Variants in PDE8B observed in about 807,000 individuals in gnomAD.
The protein encoded by PDE8B is high affinity cAMP-specific and IBMX-insensitive 3',5'-cyclic phosphodiesterase 8B.
In PDE8B, 26 loss-of-function variants were observed where a neutral mutation model predicts 101.3. The ratio of observed to expected loss-of-function variants is 0.26; its 90% CI spans 0.19 to 0.36. The LOEUF is 0.36. Among genes scored for constraint, PDE8B ranks in the 10% least tolerant of loss-of-function variants. The pLI is 1.00. For synonymous variants in PDE8B, 424 were observed against 429.3 expected (o/e 0.99, Z 0.15); for missense variants, 810 against 1,163.1 (o/e 0.70, Z 4.42).
intron 1 of PDE8B, among the ~76,000 whole-genome samples, chr5:77,246,066 GGT>G (rs1293796706): frequency 6.6e-6 from 1 of 151,860 alleles, no homozygotes; most frequent in Non-Finnish European, 1.5e-5. Context: ...TGCCCAGGCT[GGT>G]CTTGAATTCC....
chr5:77,281,380 A>G (rs1764964416), intron 1 of PDE8B, among the ~76,000 whole-genome samples: 1 of 152,216 alleles, frequency 6.6e-6, no homozygotes, highest in Non-Finnish European at 1.5e-5. Flanking sequence ...AAAACAACAA[A>G]ACATTATTCT....
chr5:77,222,611 C>T (rs770147800), intron 1 of PDE8B, among the ~76,000 whole-genome samples: 11 of 152,088 alleles, frequency 7.2e-5, no homozygotes, highest in Non-Finnish European at 1.2e-4. Context: ...CATAGTTCCA[C>T]GTTTCGGGAG....
chr5:77,153,923 C>T, the PDE8B span, among the ~76,000 whole-genome samples: 8 of 152,288 alleles, frequency 5.3e-5, no homozygotes, highest in African/African-American at 1.9e-4. Flanking sequence ...TAAGCTTGGC[C>T]TCTCTCTTTT....
chr5:77,217,088 T>C (rs34802194), intron 1 of PDE8B, among the ~76,000 whole-genome samples: 24,041 of 152,208 alleles, frequency 0.16, 2,145 homozygotes, highest in African/African-American at 0.24. Context: ...TGTCCAGTTA[T>C]CTTGGTTGGA....
intron 10 of PDE8B, among the ~76,000 whole-genome samples, chr5:77,378,052 C>CCT (rs1419483304): frequency 7.9e-6 from 1 of 126,654 alleles, no homozygotes; most frequent in Admixed American, 7.3e-5. Context: ...ACACACACCC[C>CCT]CTGTTGGTTC....
rs2149619909 is a variant in PDE8B, at chr5:77,251,203, G to A, written c.339+39939G>A. 1.3e-5 allele frequency among the ~76,000 whole-genome samples: 2 copies of A among 152,208 alleles called. 1 individual carries two copies. The highest frequency in any genetic ancestry group is 3.8e-4 in the East Asian group (2 of 5,196). On this transcript the variant is annotated intron_variant, in intron 1 of 21. Coordinates refer to ENST00000264917, the MANE Select transcript of PDE8B (RefSeq NM_003719.5). ...TACTGACCTTACAGCGTTGTCAGGA[G>A]TATTGCTGCTAAGAAGTGGCAATTC...
At chr5:77,110,691 C>T in the PDE8B span, among the ~76,000 whole-genome samples, 2 of 152,306 alleles carry the variant, frequency 1.3e-5, no homozygotes, top group East Asian at 3.9e-4. Context: ...AGTTGTCAAC[C>T]ACAGACTGCG....
chr5:77,199,367 G>GA, the PDE8B span, among the ~76,000 whole-genome samples: 1 of 152,168 alleles, frequency 6.6e-6, no homozygotes. Context: ...TTAGGAGAAG[G>GA]AAAATCTTAA....
intron 1 of PDE8B, among the ~76,000 whole-genome samples, chr5:77,247,371 G>A (rs767084753): frequency 6.6e-6 from 1 of 152,146 alleles, no homozygotes; most frequent in East Asian, 1.9e-4. Context: ...AGGGTGCCTC[G>A]GGGTCCCAAA....
intron 1 of PDE8B, chr5:77,290,138 C>T (rs759449820): frequency 2.0e-5 from 24 of 1,186,528 alleles, no homozygotes; most frequent in African/African-American, 3.0e-5. Flanking sequence ...CCTAGTTCCA[C>T]GTGTGGAAAA....
At chr5:77,367,474 AC>A (rs1172747775) in intron 10 of PDE8B, among the ~76,000 whole-genome samples, 2 of 149,106 alleles carry the variant, frequency 1.3e-5, no homozygotes, top group Non-Finnish European at 3.0e-5. Flanking sequence ...GATGACCTTG[AC>A]CTTTGATCTG....
At chr5:77,154,141 G>T in the PDE8B span, among the ~76,000 whole-genome samples, 1 of 152,280 alleles carries the variant, frequency 6.6e-6, no homozygotes, top group East Asian at 1.9e-4. Context: ...CAAAATGGGA[G>T]GCCAAGTGAA....
the PDE8B span, among the ~76,000 whole-genome samples, chr5:77,124,938 T>C: frequency 6.6e-6 from 1 of 152,180 alleles, no homozygotes. Flanking sequence ...GAATTAATAG[T>C]AAAAGAAATT....
At chr5:77,150,609 A>C in the PDE8B span, among the ~76,000 whole-genome samples, 2 of 152,242 alleles carry the variant, frequency 1.3e-5, no homozygotes, top group Non-Finnish European at 2.9e-5. Context: ...GTAATATAAA[A>C]GCAGTGAAAA....
At chr5:77,176,359 G>A in the PDE8B span, among the ~76,000 whole-genome samples, 1 of 152,130 alleles carries the variant, frequency 6.6e-6, no homozygotes, top group Non-Finnish European at 1.5e-5. Context: ...GTCTTATGAA[G>A]GTTTTAGAGG....
At chr5:77,214,174 C>T (rs1304826972) in intron 1 of PDE8B, among the ~76,000 whole-genome samples, 1 of 152,218 alleles carries the variant, frequency 6.6e-6, no homozygotes, top group Non-Finnish European at 1.5e-5. Flanking sequence ...GGTTGAACCT[C>T]TCTCTGGGAA....
At chr5:77,311,586 T>C (rs2150120022) in intron 1 of PDE8B, among the ~76,000 whole-genome samples, 1 of 152,358 alleles carries the variant, frequency 6.6e-6, no homozygotes, top group Admixed American at 6.5e-5. Flanking sequence ...ATGTTTATTC[T>C]CTTTTGAAAT....
intron 1 of PDE8B, among the ~76,000 whole-genome samples, chr5:77,225,545 C>T (rs963802717): frequency 1.3e-5 from 2 of 150,476 alleles, no homozygotes; most frequent in East Asian, 1.9e-4. Flanking sequence ...AGTCTTTTCT[C>T]CCAGGAACCT....
chr5:77,273,430 A>G (rs2149790887), intron 1 of PDE8B, among the ~76,000 whole-genome samples: 1 of 152,382 alleles, frequency 6.6e-6, no homozygotes, highest in South Asian at 2.1e-4. Context: ...AGAAAGCACT[A>G]TAGAAAATGC....
Sources: allele counts gnomAD v4.1 joint callset (sites outside exome capture counted in the v4.1 genomes callset), GRCh38; gene constraint gnomAD v4.1.1; transcripts MANE v1.5; gene names NCBI Gene and HGNC (gene_info 2026-07-23, HGNC 2026-07-21).